Variants in PFKM observed in about 807,000 individuals in gnomAD.
PFKM encodes ATP-dependent 6-phosphofructokinase, muscle type.
In PFKM, 58 loss-of-function variants were observed where a neutral mutation model predicts 95.5. That is an observed-to-expected ratio of 0.61 (90% CI 0.49 to 0.76). The LOEUF (loss-of-function observed/expected upper bound fraction) is 0.76, where lower values mean the gene tolerates loss of function less well. Among genes scored for constraint, PFKM ranks in the 30% least tolerant of loss-of-function variants. The probability of loss-of-function intolerance (pLI) is 0.00; values close to 1 mark genes in which losing one functional copy is unlikely to be tolerated. For synonymous variants in PFKM, 336 were observed against 357.2 expected, an observed-to-expected ratio of 0.94 and a Z score of 0.67; for missense variants, 678 against 1,005.4, an observed-to-expected ratio of 0.67 and a Z score of 4.40.
chr12:48,118,528 G>A (rs1371105199), upstream of PFKM: 4 of 1,526,316 alleles, frequency 2.6e-6, no homozygotes, highest in Non-Finnish European at 3.5e-6. Context: ...AGAGGGCAGT[G>A]GTAAAAGCAA....
chr12:48,116,505 A>C (rs1337336282), upstream of PFKM, among the ~76,000 whole-genome samples: 1 of 152,186 alleles, frequency 6.6e-6, no homozygotes, highest in African/African-American at 2.4e-5. Flanking sequence ...TTGAGACAGG[A>C]TCTCACTCTG....
At chr12:48,114,080 T>G (rs74086984) in intron 3 of PFKM, among the ~76,000 whole-genome samples, 1 of 152,140 alleles carries the variant, frequency 6.6e-6, no homozygotes, top group Non-Finnish European at 1.5e-5. Flanking sequence ...GGCCGGATAG[T>G]TCCATTGGGG....
Position 48,145,824 on chromosome 12 carries a change from A to G in PFKM, c.*116A>G. On this transcript the variant is annotated 3_prime_UTR_variant, in exon 23 of 23. Transcript: ENST00000359794. The surrounding 1 kb of genome is among the most constrained non-coding windows in gnomAD (Gnocchi z 4.3). ...TTCATTAGGTTTCCTTTTATTCTGT[A>G]CCTTGCAGCCATGACCAGTTCTGGC... 8.4e-7 allele frequency: 1 copy of G among 1,197,306 alleles called. No homozygotes were observed. Among genetic ancestry groups the G allele is most frequent in the Non-Finnish European group, 1.2e-6 (1 of 820,546 alleles). The allele number at this position is 1,197,306 out of a possible 1,614,324, so 74.2% of individuals were successfully genotyped here.
chr12:48,113,122 G>A (rs11613781), intron 3 of PFKM, among the ~76,000 whole-genome samples: 34,548 of 152,058 alleles, frequency 0.23, 4,674 homozygotes, highest in East Asian at 0.59. Context: ...AGGGAACTGG[G>A]CAGGTGGGGA....
chr12:48,145,986 T>C lies in PFKM; in HGVS notation c.*278T>C, dbSNP rs1475125780. ...CTAGATATCACTTACTCAGTTAGAA[T>C]TTTCCTAAAAATAAGCTTTATTTAT... On this transcript the variant is annotated 3_prime_UTR_variant, in exon 23 of 23. Coordinates refer to ENST00000359794, the MANE Select transcript of PFKM (RefSeq NM_000289.6). The surrounding 1 kb of genome is among the most constrained non-coding windows in gnomAD (Gnocchi z 4.3). 9.1e-6 allele frequency: 4 copies of C among 438,074 alleles called. No homozygotes were observed. The highest frequency in any genetic ancestry group is 1.7e-5 in the Non-Finnish European group (4 of 241,134). 27.1% of individuals were successfully genotyped at this position (438,074 alleles called of 1,614,324 possible).
At chr12:48,105,464 G>A (rs751536569), upstream of PFKM, 9 of 519,090 alleles carry the variant, frequency 1.7e-5, no homozygotes, top group South Asian at 1.3e-4. Flanking sequence ...AACCTGAGCA[G>A]GAGGGTCCAG....
chr12:48,116,565 G>A (rs1274693528), upstream of PFKM, among the ~76,000 whole-genome samples: 1 of 152,156 alleles, frequency 6.6e-6, no homozygotes. Context: ...TGCAAGCTCT[G>A]CCTCCCAGGC....
At chr12:48,141,217 AG>A (rs1950552299) in intron 14 of PFKM, 93 bp from the exon 15 acceptor site, 1 of 1,182,858 alleles carries the variant, frequency 8.5e-7, no homozygotes, top group Non-Finnish European at 1.3e-6. Context: ...AGGGGGATCC[AG>A]GGGTAGGGTT....
At chr12:48,140,466 A>G (rs558160884) in intron 13 of PFKM, among the ~76,000 whole-genome samples, 6 of 152,298 alleles carry the variant, frequency 3.9e-5, no homozygotes, top group East Asian at 1.9e-4. Context: ...TCTCTCATTC[A>G]TTGTATAATA....
Position 48,108,317 on chromosome 12 carries a change from A to G in PFKM, c.205+123A>G, listed in dbSNP as rs725454. On this transcript the variant is annotated intron_variant, in intron 3 of 24. Transcript: ENST00000340802. ...CTGAAATATAAGACCCAAGGGGGAAAGTCTGTGTGTGTGTGAAACAGAGAG... is the reference window on the plus strand; with the variant it reads ...CTGAAATATAAGACCCAAGGGGGAAGGTCTGTGTGTGTGTGAAACAGAGAG... The G allele has an allele frequency of 0.2, 152,978 of 780,738 alleles. 16,172 individuals are homozygous for G. The highest frequency in any genetic ancestry group is 0.22 in the East Asian group (8,058 of 36,642). The allele number at this position is 780,738 out of a possible 1,614,324, so 48.4% of individuals were successfully genotyped here.
chr12:48,132,231 G>T, intron 4 of PFKM: 1 of 354,284 alleles, frequency 2.8e-6, no homozygotes, highest in Middle Eastern at 4.2e-4. Flanking sequence ...CTTTCTCTCA[G>T]GGATAGAAAG....
chr12:48,141,454 C>A, intron 15 of PFKM, 73 bp downstream of exon 15: 1 of 1,318,326 alleles, frequency 7.6e-7, no homozygotes, highest in Non-Finnish European at 1.1e-6. Flanking sequence ...TTCATTATGC[C>A]ATGGTCTGCT....
chr12:48,115,675 C>G (rs1033631481), upstream of PFKM, among the ~76,000 whole-genome samples: 2 of 152,224 alleles, frequency 1.3e-5, no homozygotes, highest in African/African-American at 4.8e-5. Context: ...AGAGGCCTGA[C>G]AGCCTGACCA....
At chr12:48,125,340 G>A (rs753699136) in intron 2 of PFKM, 13 of 449,500 alleles carry the variant, frequency 2.9e-5, no homozygotes, top group Non-Finnish European at 4.5e-5. Flanking sequence ...GGACGGGATC[G>A]GCCAGGTGCA....
intron 2 of PFKM, among the ~76,000 whole-genome samples, chr12:48,129,210 C>CTTTTTTTTTTTTTTTTTTT (rs778761447): frequency 3.6e-4 from 8 of 21,996 alleles, no homozygotes; most frequent in Non-Finnish European, 7.0e-4. Context: ...AATTTTCTTT[C>CTTTTTTTTTTTTTTTTTTT]TTTTTTTTTT....
At chr12:48,118,335 A>T, upstream of PFKM, 1 of 593,688 alleles carries the variant, frequency 1.7e-6, no homozygotes, top group Non-Finnish European at 3.0e-6. Flanking sequence ...CCCTTATCAG[A>T]TACATGATTT....
chr12:48,108,080 G>C, exon 3 of PFKM: 1 of 1,599,410 alleles, frequency 6.3e-7, no homozygotes, highest in Middle Eastern at 1.7e-4. Flanking sequence ...AGCTGGGGAA[G>C]CTTCTACTTC....
chr12:48,132,174 A>G (rs925189457), intron 4 of PFKM: 1 of 427,830 alleles, frequency 2.3e-6, no homozygotes, highest in African/African-American at 2.1e-5. Flanking sequence ...CCAGGAGTAC[A>G]TATGATATGA....
At chr12:48,125,994 T>A (rs1948796985) in intron 2 of PFKM, among the ~76,000 whole-genome samples, 1 of 152,184 alleles carries the variant, frequency 6.6e-6, no homozygotes, top group Non-Finnish European at 1.5e-5. Flanking sequence ...TTCTGTCTAG[T>A]CTCATAGAGA....
Sources: gnomAD v4.1 joint callset for allele counts (sites outside exome capture counted in the v4.1 genomes callset) on GRCh38, gnomAD v4.1.1 for gene constraint, Gnocchi (gnomAD v3.1) non-coding constraint, MANE v1.5 for transcripts, NCBI Gene and HGNC (gene_info 2026-07-23, HGNC 2026-07-21) for gene names.